CLSTN2: variants seen among roughly 807,000 people sequenced by gnomAD.
The protein encoded by CLSTN2 is calsyntenin 2, also known as calsyntenin-2.
A neutral mutation model predicts 101.2 loss-of-function variants in CLSTN2; 48 were observed. The ratio of observed to expected loss-of-function variants is 0.47; its 90% CI spans 0.38 to 0.60. The LOEUF (loss-of-function observed/expected upper bound fraction) is 0.60, where lower values mean the gene tolerates loss of function less well. CLSTN2 is among the 20% of genes least tolerant of loss of function. The pLI is 0.00. For missense variants in CLSTN2, 1,160 were observed against 1,238.2 expected (o/e 0.94, Z 0.95); for synonymous variants, 481 against 463.6 (o/e 1.04, Z -0.48).
chr3:140,030,718 C>T lies in CLSTN2; in HGVS notation c.109+95235C>T, dbSNP rs115381795. Among the ~76,000 whole-genome samples the T allele has an allele frequency of 1.8e-3, 271 of 152,246 alleles. 1 individual carries two copies. Among genetic ancestry groups the T allele is most frequent in the African/African-American group, 6.1e-3 (254 of 41,534 alleles). On this transcript the variant is annotated intron_variant, in intron 1 of 16. Coordinates refer to ENST00000458420, the MANE Select transcript of CLSTN2 (RefSeq NM_022131.3). The stretch of plus-strand genomic sequence containing the variant: ...ATCGAGAAAGATAGTTCTAATACTT[C>T]GTAGGAGATAATTTAGCTGAAATGA...
At chr3:140,081,566 A>G (rs536221413) in intron 1 of CLSTN2, among the ~76,000 whole-genome samples, 1 of 152,162 alleles carries the variant, frequency 6.6e-6, no homozygotes, top group Admixed American at 6.5e-5. Context: ...AGCCCCAGGC[A>G]CTGGGAGGGT....
intron 1 of CLSTN2, among the ~76,000 whole-genome samples, chr3:140,073,982 A>C (rs754963600): frequency 2.0e-5 from 3 of 152,172 alleles, no homozygotes; most frequent in African/African-American, 7.2e-5. Flanking sequence ...GCTGAAGAGC[A>C]TGATGCCTTG....
chr3:140,079,450 G>A (rs1343019114), intron 1 of CLSTN2, among the ~76,000 whole-genome samples: 1 of 152,116 alleles, frequency 6.6e-6, no homozygotes, highest in Non-Finnish European at 1.5e-5. Flanking sequence ...GGACACTGTA[G>A]AAAAGAATAC....
chr3:140,048,560 G>A (rs2007926835), intron 1 of CLSTN2, among the ~76,000 whole-genome samples: 1 of 152,292 alleles, frequency 6.6e-6, no homozygotes, highest in South Asian at 2.1e-4. Flanking sequence ...GCCCTATTGG[G>A]TAGATATTCT....
At chr3:140,088,383 T>C (rs1234820362) in intron 1 of CLSTN2, among the ~76,000 whole-genome samples, 3 of 152,208 alleles carry the variant, frequency 2.0e-5, no homozygotes, top group African/African-American at 7.2e-5. Flanking sequence ...AAATCAAGGT[T>C]GACTTTTATG....
intron 2 of CLSTN2, among the ~76,000 whole-genome samples, chr3:140,395,992 G>T (rs2088178634): frequency 6.6e-6 from 1 of 152,198 alleles, no homozygotes. Flanking sequence ...ACTTGGCCAG[G>T]TGTTCGCTCC....
intron 1 of CLSTN2, among the ~76,000 whole-genome samples, chr3:140,160,805 T>C (rs2010033366): frequency 6.6e-6 from 1 of 152,102 alleles, no homozygotes; most frequent in Admixed American, 6.6e-5. Context: ...CCTACCACAA[T>C]AGCTTTCAAA....
chr3:140,560,819 A>G (rs1317155821), intron 12 of CLSTN2, among the ~76,000 whole-genome samples: 1 of 152,214 alleles, frequency 6.6e-6, no homozygotes, highest in Non-Finnish European at 1.5e-5. Context: ...GAAGCCGGCA[A>G]AAAACCTGGA....
chr3:140,407,184 G>A (rs1486897662), intron 4 of CLSTN2, among the ~76,000 whole-genome samples: 1 of 152,174 alleles, frequency 6.6e-6, no homozygotes, highest in Admixed American at 6.5e-5. Context: ...TTATCCATCA[G>A]TTTCTCTGAG....
intron 2 of CLSTN2, among the ~76,000 whole-genome samples, chr3:140,269,320 C>A (rs2086721191): frequency 1.3e-5 from 2 of 152,160 alleles, no homozygotes; most frequent in South Asian, 4.1e-4. Flanking sequence ...CATTATTGGG[C>A]CAAATGAACC....
At chr3:140,129,165 C>G (rs938354448) in intron 1 of CLSTN2, among the ~76,000 whole-genome samples, 4 of 49,072 alleles carry the variant, frequency 8.2e-5, no homozygotes, top group Non-Finnish European at 1.8e-4. Context: ...TTGATTCCTA[C>G]CACTTTTTTT....
Position 140,448,546 on chromosome 3 carries a change from C to T in CLSTN2, c.815C>T (p.Pro272Leu). 1 of 1,614,064 alleles carries T rather than the reference C, an allele frequency of 6.2e-7. No homozygotes were observed. The highest frequency in any genetic ancestry group is 8.5e-7 in the Non-Finnish European group (1 of 1,179,974). ...QDWTKRIEYQPGSGSMPLFPS... is the reference protein window; with the variant it reads ...QDWTKRIEYQLGSGSMPLFPS... Reference sequence around the variant, plus strand: ...TGGACCAAGAGGATTGAGTACCAGCCTGGCTCCGGGAGCATGCCCCTGTTC... The same window carrying T: ...TGGACCAAGAGGATTGAGTACCAGCTTGGCTCCGGGAGCATGCCCCTGTTC... The change falls in exon 6 of 17, where the codon CCT becomes CTT. Residue 272 changes from proline to leucine, a missense_variant. Transcript: ENST00000458420.
intron 2 of CLSTN2, among the ~76,000 whole-genome samples, chr3:140,389,596 A>G (rs1448507490): frequency 6.6e-6 from 1 of 152,176 alleles, no homozygotes; most frequent in Non-Finnish European, 1.5e-5. Flanking sequence ...GTGAACATAC[A>G]CATGCCTGTG....
chr3:140,446,527 C>G (rs1933082925), intron 5 of CLSTN2, among the ~76,000 whole-genome samples: 1 of 152,152 alleles, frequency 6.6e-6, no homozygotes, highest in African/African-American at 2.4e-5. Context: ...CGGATTGTCT[C>G]CTTCCTTGAC....
intron 1 of CLSTN2, among the ~76,000 whole-genome samples, chr3:140,174,172 C>A (rs571665730): frequency 2.8e-4 from 42 of 152,248 alleles, no homozygotes; most frequent in African/African-American, 9.9e-4. Flanking sequence ...ATTTCTTCCA[C>A]CAGATACCCT....
At chr3:140,399,632 A>G (rs2088219263) in intron 2 of CLSTN2, among the ~76,000 whole-genome samples, 1 of 152,244 alleles carries the variant, frequency 6.6e-6, no homozygotes, top group African/African-American at 2.4e-5. Context: ...ATATATACAT[A>G]TGTATTTAAT....
In CLSTN2 at chr3:140,350,030, A is replaced by G. The variant is rs1056518095; in HGVS notation, c.233-53599A>G. On this transcript the variant is annotated intron_variant, in intron 2 of 16. Coordinates refer to ENST00000458420, the MANE Select transcript of CLSTN2 (RefSeq NM_022131.3). ...AAACTTTGTCTGAAGTCCAGAAAAA[A>G]GAGTCAGGAGTTAGACAAAGGCTGA... Among the ~76,000 whole-genome samples, 6 of 152,358 alleles carry G rather than the reference A, an allele frequency of 3.9e-5. No homozygotes were observed. In the East Asian group the frequency reaches 9.7e-4, roughly 25 times the overall value.
intron 2 of CLSTN2, among the ~76,000 whole-genome samples, chr3:140,298,499 T>A (rs1283087898): frequency 4.6e-5 from 7 of 152,156 alleles, no homozygotes; most frequent in Non-Finnish European, 8.8e-5. Flanking sequence ...TAGCTGCAGT[T>A]GTCTATGATA....
chr3:140,240,305 T>TACACATATATATATACAC (rs2086456192), intron 2 of CLSTN2, among the ~76,000 whole-genome samples: 3 of 143,346 alleles, frequency 2.1e-5, no homozygotes, highest in Non-Finnish European at 1.5e-5. Context: ...TATATATATA[T>TACACATATATATATACAC]ACACACACAC....
Sources: gnomAD v4.1 joint callset for allele counts (sites outside exome capture counted in the v4.1 genomes callset) on GRCh38, gnomAD v4.1.1 for gene constraint, MANE v1.5 for transcripts, NCBI Gene and HGNC (gene_info 2026-07-23, HGNC 2026-07-21) for gene names.